KAT6B: variants seen among roughly 807,000 people sequenced by gnomAD.
KAT6B encodes histone acetyltransferase KAT6B.
Under a neutral mutation model 187.5 loss-of-function variants are expected in KAT6B, and 10 were observed. The ratio of observed to expected loss-of-function variants is 0.05; its 90% confidence interval spans 0.03 to 0.09. The LOEUF is 0.09. Ranked by LOEUF, KAT6B falls within the 10% of genes least tolerant of loss-of-function variation. KAT6B has a pLI of 1.00. For missense variants in KAT6B, 1,952 were observed against 2,558.9 expected, an observed-to-expected ratio of 0.76 and a Z score of 5.12; for synonymous variants, 861 against 926.8, an observed-to-expected ratio of 0.93 and a Z score of 1.29.
At chr10:74,892,792 C>T (rs1190712941) in intron 3 of KAT6B, among the ~76,000 whole-genome samples, 1 of 152,144 alleles carries the variant, frequency 6.6e-6, no homozygotes, top group East Asian at 1.9e-4. Flanking sequence ...TTAGAATGGA[C>T]TCCTGAGAAA....
chr10:74,878,086 A>G (rs970120058), intron 3 of KAT6B, among the ~76,000 whole-genome samples: 1 of 152,200 alleles, frequency 6.6e-6, no homozygotes, highest in Admixed American at 6.5e-5. Flanking sequence ...TCACAGCTCA[A>G]TGGAGACATT....
At chr10:74,864,061 T>C (rs1307199956) in intron 3 of KAT6B, among the ~76,000 whole-genome samples, 1 of 152,178 alleles carries the variant, frequency 6.6e-6, no homozygotes. Context: ...ACTTGAGCCA[T>C]CAAAATTTTT....
Position 75,021,307 on chromosome 10 carries a change from C to A in KAT6B, c.3021+22C>A, listed in dbSNP as rs954427491. Reference sequence around the variant, plus strand: ...AGAGGTAATGATTGTCTTTATCATCCTAAGTTGTGTAACTTCAATCTTGTA... The same window carrying A: ...AGAGGTAATGATTGTCTTTATCATCATAAGTTGTGTAACTTCAATCTTGTA... On this transcript the variant is annotated intron_variant, in intron 15 of 17. Coordinates refer to ENST00000287239, the MANE Select transcript of KAT6B (RefSeq NM_012330.4). 13 of 1,611,898 alleles carry A rather than the reference C, an allele frequency of 8.1e-6. No individual in the cohort carries two copies. The Admixed American group carries it at 2.0e-4, about 25-fold the overall frequency.
At chr10:74,972,426 T>G (rs1385105080) in intron 6 of KAT6B, 81 bp from the exon 7 acceptor site, 1 of 1,061,714 alleles carries the variant, frequency 9.4e-7, no homozygotes, top group Non-Finnish European at 1.4e-6. Flanking sequence ...TTGAGCAGCT[T>G]ATTACAGCTA....
chr10:74,977,264 T>C (rs1842218809), intron 8 of KAT6B, 52 bp from the exon 9 acceptor site: 25 of 1,601,094 alleles, frequency 1.6e-5, no homozygotes, highest in Non-Finnish European at 2.1e-5. Context: ...TATATGGTGG[T>C]TACTCATGAT....
intron 1 of KAT6B, among the ~76,000 whole-genome samples, chr10:74,828,662 G>A (rs1050546859): frequency 6.6e-6 from 1 of 150,498 alleles, no homozygotes; most frequent in Non-Finnish European, 1.5e-5. Flanking sequence ...CCGCCTCCCG[G>A]GTTCACGCCA....
At chr10:75,007,433 A>AC (rs1335065800) in intron 13 of KAT6B, among the ~76,000 whole-genome samples, 2 of 152,164 alleles carry the variant, frequency 1.3e-5, no homozygotes, top group Admixed American at 1.3e-4. Flanking sequence ...TGAAGGTGGA[A>AC]CCCCTAGATT....
intron 13 of KAT6B, among the ~76,000 whole-genome samples, chr10:75,005,515 G>A (rs1431346129): frequency 6.6e-6 from 1 of 152,128 alleles, no homozygotes; most frequent in African/African-American, 2.4e-5. Context: ...ACCACGCCTG[G>A]CCCTAAACAA....
intron 3 of KAT6B, among the ~76,000 whole-genome samples, chr10:74,949,379 G>A (rs11001216): frequency 0.25 from 38,252 of 151,822 alleles, 8,795 homozygotes; most frequent in African/African-American, 0.61. Flanking sequence ...CCCCAGCCCC[G>A]CGCCCCACCC....
intron 3 of KAT6B, among the ~76,000 whole-genome samples, chr10:74,855,880 C>T (rs941112293): frequency 2.6e-5 from 4 of 151,922 alleles, no homozygotes; most frequent in Non-Finnish European, 4.4e-5. Flanking sequence ...CATGGGTGTG[C>T]GTATATATAC....
intron 3 of KAT6B, among the ~76,000 whole-genome samples, chr10:74,865,207 A>G (rs1265169770): frequency 6.6e-6 from 1 of 152,192 alleles, no homozygotes; most frequent in Non-Finnish European, 1.5e-5. Context: ...AACATGTATC[A>G]GCTTTGGAAT....
chr10:74,913,091 G>C (rs1417859082), intron 3 of KAT6B, among the ~76,000 whole-genome samples: 1 of 152,226 alleles, frequency 6.6e-6, no homozygotes, highest in Non-Finnish European at 1.5e-5. Flanking sequence ...ATGAGTAGTT[G>C]GAGGGGAAGA....
In KAT6B at chr10:74,842,751, T is replaced by G; in HGVS notation, c.-107T>G. The G allele has an allele frequency of 8.2e-7, 1 of 1,222,466 alleles. No homozygotes were observed. The highest frequency in any genetic ancestry group is 2.3e-5 in the East Asian group (1 of 43,222). 75.7% of individuals were successfully genotyped at this position (1,222,466 alleles called of 1,614,324 possible). Reference sequence around the variant, plus strand: ...TGTTGCTTAATACAGTCTGGAATACTCTGTCCATTTGTTGAATTGTAAATG... The same window carrying G: ...TGTTGCTTAATACAGTCTGGAATACGCTGTCCATTTGTTGAATTGTAAATG... On this transcript the variant is annotated 5_prime_UTR_variant, in exon 3 of 18. Coordinates refer to ENST00000287239, the MANE Select transcript of KAT6B (RefSeq NM_012330.4).
intron 9 of KAT6B, 41 bp downstream of exon 9, chr10:74,977,478 G>T: frequency 6.2e-7 from 1 of 1,609,546 alleles, no homozygotes; most frequent in Non-Finnish European, 8.5e-7. Flanking sequence ...AGTATAAGAT[G>T]TGGCTTCTAA....
At chr10:75,026,981 C>CA (rs931515515) in intron 17 of KAT6B, among the ~76,000 whole-genome samples, 3 of 151,948 alleles carry the variant, frequency 2.0e-5, no homozygotes, top group Non-Finnish European at 2.9e-5. Flanking sequence ...ACCAAAAGTA[C>CA]AAAAAAATTA....
chr10:74,899,181 A>G (rs544170553), intron 3 of KAT6B, among the ~76,000 whole-genome samples: 3 of 151,354 alleles, frequency 2.0e-5, no homozygotes, highest in African/African-American at 4.8e-5. Context: ...AATAGTATCA[A>G]TGAATTCAAA....
Position 74,977,269 on chromosome 10 carries a change from C to T in KAT6B, c.1994-47C>T, listed in dbSNP as rs1380361132. The T allele has an allele frequency of 3.1e-6, 5 of 1,603,992 alleles. No homozygotes were observed. The African/African-American group carries it at 5.4e-5, about 17-fold the overall frequency. On this transcript the variant is annotated intron_variant, in intron 8 of 17. Transcript: ENST00000287239. ...ATTTTGGTAATATATGGTGGTTACT[C>T]ATGATTCAAGTCAGTGAATACACTT...
intron 13 of KAT6B, among the ~76,000 whole-genome samples, chr10:75,003,977 T>C (rs1278147024): frequency 6.6e-6 from 1 of 152,112 alleles, no homozygotes; most frequent in Non-Finnish European, 1.5e-5. Flanking sequence ...GTCTGCAGTC[T>C]CTCTCATTTT....
At chr10:74,913,155 T>C (rs941819129) in intron 3 of KAT6B, among the ~76,000 whole-genome samples, 1 of 152,220 alleles carries the variant, frequency 6.6e-6, no homozygotes, top group African/African-American at 2.4e-5. Context: ...CAGGTAAGTC[T>C]ACAGGTATCT....
Sources: gnomAD v4.1 joint callset for allele counts (sites outside exome capture counted in the v4.1 genomes callset) on GRCh38, gnomAD v4.1.1 for gene constraint, MANE v1.5 for transcripts, NCBI Gene and HGNC (gene_info 2026-07-23, HGNC 2026-07-21) for gene names.